The following RALGPS1 variants were observed in gnomAD, a reference collection of about 807,000 sequenced individuals.
The protein encoded by RALGPS1 is Ral GEF with PH domain and SH3 binding motif 1, also known as ras-specific guanine nucleotide-releasing factor RalGPS1.
RALGPS1 carries 19 observed loss-of-function variants against 78.8 expected under a neutral mutation model. The ratio of observed to expected loss-of-function variants is 0.24; its 90% CI spans 0.17 to 0.35. RALGPS1 has a LOEUF of 0.35. Among genes scored for constraint, RALGPS1 ranks in the 10% least tolerant of loss-of-function variants. RALGPS1 has a pLI of 1.00. For missense variants in RALGPS1, 454 were observed against 688.3 expected, an observed-to-expected ratio of 0.66 and a Z score of 3.81; for synonymous variants, 228 against 256.3, an observed-to-expected ratio of 0.89 and a Z score of 1.06.
chr9:127,176,730 C>G (rs2059901123), intron 11 of RALGPS1, among the ~76,000 whole-genome samples: 1 of 152,236 alleles, frequency 6.6e-6, no homozygotes, highest in African/African-American at 2.4e-5. Context: ...TACCCATCTC[C>G]CGGTGCCCCT....
At chr9:127,093,977 G>A (rs577147709) in intron 8 of RALGPS1, 18 of 1,575,156 alleles carry the variant, frequency 1.1e-5, no homozygotes, top group Admixed American at 6.8e-5. Flanking sequence ...TCACCAGGCC[G>A]CACCCCCAGC....
At chr9:127,117,509 G>T (rs1395258775) in intron 8 of RALGPS1, among the ~76,000 whole-genome samples, 1 of 152,208 alleles carries the variant, frequency 6.6e-6, no homozygotes. Context: ...AGGGGTCCAC[G>T]GTAGTAGGTG....
intron 11 of RALGPS1, among the ~76,000 whole-genome samples, chr9:127,193,491 G>A (rs2061190200): frequency 6.6e-6 from 1 of 152,214 alleles, no homozygotes; most frequent in Non-Finnish European, 1.5e-5. Context: ...CAACTCATGG[G>A]AAGTGAGCAC....
chr9:127,221,640 C>T lies in RALGPS1; in HGVS notation c.*2871C>T, dbSNP rs1037959850. The T allele has an allele frequency of 2.0e-5, 3 of 152,168 alleles. No individual in the cohort carries two copies. Among genetic ancestry groups the T allele is most frequent in the Non-Finnish European group, 4.4e-5 (3 of 68,040 alleles). The allele number at this position is 152,168 out of a possible 1,614,324, so 9.4% of individuals were successfully genotyped here. A position where few individuals can be genotyped will look rare whatever the true frequency, so the allele number is the denominator to read the frequency against. On this transcript the variant is annotated 3_prime_UTR_variant, in exon 19 of 19. Transcript: ENST00000259351. Reference sequence around the variant, plus strand: ...GCCTGGTGAGAGACTTTGGCCCCCTCCCTCCCTATAAGGCTGTGGAACCTG... The same window carrying T: ...GCCTGGTGAGAGACTTTGGCCCCCTTCCTCCCTATAAGGCTGTGGAACCTG...
In RALGPS1 at chr9:127,212,123, C is replaced by T. The variant is rs1461511468; in HGVS notation, c.1248-8C>T. Reference sequence around the variant, plus strand: ...CAGGGCGATGTCTGACTGGTAGTCTCTCCTCAGCCCCACCGGCCCGTGCAT... The same window carrying T: ...CAGGGCGATGTCTGACTGGTAGTCTTTCCTCAGCCCCACCGGCCCGTGCAT... On this transcript the variant is annotated splice_region_variant and splice_polypyrimidine_tract_variant and intron_variant, in intron 14 of 18. Transcript: ENST00000259351. This position sits in a 1 kb window ranked among gnomAD's most constrained non-coding sequence, Gnocchi z 6.0. 1.1e-5 allele frequency: 18 copies of T among 1,607,304 alleles called. No individual in the cohort carries two copies. Among genetic ancestry groups the T allele is most frequent in the Non-Finnish European group, 1.5e-5 (18 of 1,176,874 alleles).
intron 4 of RALGPS1, among the ~76,000 whole-genome samples, chr9:127,022,452 A>G (rs999311323): frequency 6.6e-6 from 1 of 150,474 alleles, no homozygotes; most frequent in African/African-American, 2.5e-5. Flanking sequence ...CCTACCAAAC[A>G]CTCCATGTGA....
chr9:127,105,689 G>A (rs1195940766), intron 8 of RALGPS1, among the ~76,000 whole-genome samples: 4 of 152,114 alleles, frequency 2.6e-5, no homozygotes, highest in African/African-American at 4.8e-5. Flanking sequence ...TGGCCTCGAC[G>A]GATACTCCCT....
At chr9:126,915,014 T>C (rs1008935578) in intron 1 of RALGPS1, 39 bp downstream of exon 1, 5 of 146,018 alleles carry the variant, frequency 3.4e-5, no homozygotes, top group South Asian at 1.9e-4. Flanking sequence ...AGAGCGGCGG[T>C]GAGAGGCGCG....
intron 1 of RALGPS1, among the ~76,000 whole-genome samples, chr9:126,916,371 G>T (rs10987519): frequency 6.6e-6 from 1 of 152,060 alleles, no homozygotes. Flanking sequence ...CAGAACATTT[G>T]TTTGCTGACC....
At chr9:127,190,232 G>A (rs370756585) in intron 11 of RALGPS1, among the ~76,000 whole-genome samples, 4 of 152,148 alleles carry the variant, frequency 2.6e-5, no homozygotes, top group African/African-American at 9.7e-5. Context: ...CTGTTGTTTT[G>A]TGTGTTTGTA....
At chr9:127,174,265 A>AAGAGAGAGAGAGAAAGAAAGAAAG (rs1564718865) in intron 10 of RALGPS1, among the ~76,000 whole-genome samples, 3 of 148,780 alleles carry the variant, frequency 2.0e-5, no homozygotes, top group Non-Finnish European at 2.9e-5. Flanking sequence ...AAGAAAGAAA[A>AAGAGAGAGAGAGAAAGAAAGAAAG]AGAGAGAGAG....
In RALGPS1 at chr9:127,132,579, G is replaced by A. The variant is rs1380140981; in HGVS notation, c.611-33490G>A. Among the ~76,000 whole-genome samples, 4 of 152,332 alleles carry A rather than the reference G, an allele frequency of 2.6e-5. 1 individual carries two copies. In the Middle Eastern group the frequency reaches 0.01, roughly 389 times the overall value. ...CCAGCACAGTGCTTGACACACACCA[G>A]GGGGTGCTCAGTCAGCATTGCTGTC... On this transcript the variant is annotated intron_variant, in intron 8 of 18. Coordinates refer to ENST00000259351, the MANE Select transcript of RALGPS1 (RefSeq NM_014636.3).
chr9:127,177,049 C>G (rs888080265), intron 11 of RALGPS1, among the ~76,000 whole-genome samples: 2 of 152,252 alleles, frequency 1.3e-5, no homozygotes, highest in East Asian at 1.9e-4. Flanking sequence ...ATGGCACTCA[C>G]CACAACTTGT....
chr9:127,123,204 G>A (rs1488978974), intron 8 of RALGPS1, among the ~76,000 whole-genome samples: 1 of 152,222 alleles, frequency 6.6e-6, no homozygotes, highest in Non-Finnish European at 1.5e-5. Flanking sequence ...GGAGTCCAAG[G>A]CTGTCCACAC....
chr9:127,127,021 T>G (rs766427730), intron 8 of RALGPS1, among the ~76,000 whole-genome samples: 2 of 152,252 alleles, frequency 1.3e-5, no homozygotes, highest in Non-Finnish European at 2.9e-5. Context: ...TTACTTTGCC[T>G]TCTGTTGTGC....
intron 8 of RALGPS1, among the ~76,000 whole-genome samples, chr9:127,131,666 T>G (rs772850785): frequency 3.9e-5 from 6 of 152,176 alleles, no homozygotes; most frequent in Admixed American, 6.5e-5. Flanking sequence ...GACTTCAGTC[T>G]CTACAGCTTC....
intron 14 of RALGPS1, among the ~76,000 whole-genome samples, chr9:127,209,906 G>C (rs1249002677): frequency 6.6e-6 from 1 of 151,884 alleles, no homozygotes. Context: ...TTACATTGTT[G>C]TCTGGCCAAC....
chr9:127,209,639 C>T (rs893217889), intron 14 of RALGPS1, among the ~76,000 whole-genome samples: 2 of 152,148 alleles, frequency 1.3e-5, no homozygotes, highest in Non-Finnish European at 2.9e-5. Flanking sequence ...CTGGAGCAGC[C>T]GTCCCAGCTA....
chr9:126,953,385 G>GTA (rs2038042260), intron 1 of RALGPS1, among the ~76,000 whole-genome samples: 1 of 151,966 alleles, frequency 6.6e-6, no homozygotes, highest in South Asian at 2.1e-4. Context: ...GTGTGTGTGT[G>GTA]TGTGTGCGCG....
Sources: gnomAD v4.1 joint callset for allele counts (sites outside exome capture counted in the v4.1 genomes callset) on GRCh38, gnomAD v4.1.1 for gene constraint, Gnocchi (gnomAD v3.1) non-coding constraint, MANE v1.5 for transcripts, NCBI Gene and HGNC (gene_info 2026-07-23, HGNC 2026-07-21) for gene names.